The following FAM135A variants were observed in gnomAD, a reference collection of about 807,000 sequenced individuals.
The protein encoded by FAM135A is protein FAM135A.
In FAM135A, 79 loss-of-function variants were observed where a neutral mutation model predicts 146.8. The observed-to-expected ratio is 0.54, with a 90% CI of 0.45 to 0.65. The LOEUF (loss-of-function observed/expected upper bound fraction) is 0.65, where lower values mean the gene tolerates loss of function less well. Among genes scored for constraint, FAM135A ranks in the 30% least tolerant of loss-of-function variants. The pLI is 0.00. For missense variants in FAM135A, 1,623 were observed against 1,758.2 expected (o/e 0.92, Z 1.38); for synonymous variants, 562 against 603.6 (o/e 0.93, Z 1.01).
At chr6:70,527,135 A>G (rs1373722373) in intron 15 of FAM135A, among the ~76,000 whole-genome samples, 1 of 152,014 alleles carries the variant, frequency 6.6e-6, no homozygotes, top group Non-Finnish European at 1.5e-5. Flanking sequence ...GGAAATAAGG[A>G]TAATATTAGT....
At chr6:70,487,083 CAAAAAAAAAAAAA>C (rs34560435) in intron 10 of FAM135A, among the ~76,000 whole-genome samples, 2 of 40,612 alleles carry the variant, frequency 4.9e-5, no homozygotes, top group East Asian at 1.8e-3. Flanking sequence ...ACTCCCATCT[CAAAAAAAAAAAAA>C]AAAAAAAAAA....
chr6:70,464,658 C>CTTTTTTTTTTTT lies in FAM135A; in HGVS notation c.158-10744_158-10743insTTTTTTTTTTTT, dbSNP rs754818109. ...TTTAAATTTCTTTCTTTCTTTCTTT[C>CTTTTTTTTTTTT]TTTTTTTTCTTTTTTTTTTTTTTTT... On this transcript the variant is annotated intron_variant, in intron 5 of 21. Transcript: ENST00000418814. 6.2e-4 allele frequency among the ~76,000 whole-genome samples: 62 copies of CTTTTTTTTTTTT among 100,406 alleles called. 5 individuals are homozygous for CTTTTTTTTTTTT. The highest frequency in any genetic ancestry group is 1.7e-3 in the African/African-American group (46 of 26,674). The allele number at this position is 100,406 out of a possible 152,430, so 65.9% of individuals were successfully genotyped here.
chr6:70,481,594 C>T (rs1467333702), intron 9 of FAM135A, among the ~76,000 whole-genome samples: 3 of 151,212 alleles, frequency 2.0e-5, no homozygotes, highest in Non-Finnish European at 4.4e-5. Flanking sequence ...AATCATGTCA[C>T]TTCACTCCAG....
At chr6:70,433,563 T>TTTTTTTTTTTTTTTTTTTG (rs1772247613) in intron 4 of FAM135A, among the ~76,000 whole-genome samples, 1 of 152,038 alleles carries the variant, frequency 6.6e-6, no homozygotes, top group African/African-American at 2.4e-5. Context: ...AATGAGTCTT[T>TTTTTTTTTTTTTTTTTTTG]AGGTTGGAGC....
At chr6:70,443,358 T>C (rs1774992048) in intron 4 of FAM135A, among the ~76,000 whole-genome samples, 1 of 152,264 alleles carries the variant, frequency 6.6e-6, no homozygotes, top group South Asian at 2.1e-4. Context: ...TTTTTCTATG[T>C]TTAGATACAC....
At chr6:70,477,781 G>A (rs1409375690) in intron 8 of FAM135A, among the ~76,000 whole-genome samples, 1 of 152,046 alleles carries the variant, frequency 6.6e-6, no homozygotes, top group African/African-American at 2.4e-5. Flanking sequence ...TTTTTATAGT[G>A]AAAACGTGTA....
At chr6:70,513,555 T>C (rs369041143) in intron 12 of FAM135A, among the ~76,000 whole-genome samples, 1 of 151,958 alleles carries the variant, frequency 6.6e-6, no homozygotes, top group Non-Finnish European at 1.5e-5. Context: ...TCAATTTCTC[T>C]AAAACCTGCT....
Position 70,524,966 on chromosome 6 carries a change from A to T in FAM135A, c.1882A>T (p.Thr628Ser). 1 of 1,604,222 alleles carries T rather than the reference A, an allele frequency of 6.2e-7. No homozygotes were observed. The highest frequency in any genetic ancestry group is 1.1e-5 in the South Asian group (1 of 88,726). The change falls in exon 15 of 22, where the codon ACA (threonine) becomes TCA (serine). Residue 628 changes from threonine to serine, a missense_variant. Transcript: ENST00000418814. ...LDISQDDSEI[T>S]QMEHNLASRR... is the part of the protein sequence containing the mutation. The stretch of plus-strand genomic sequence containing the variant: ...TATCTCCCAGGACGATAGTGAAATT[A>T]CACAAATGGAACACAATCTGGCATC...
intron 3 of FAM135A, 166 bp downstream of exon 3, chr6:70,426,698 T>G (rs1401437059): frequency 1.3e-5 from 2 of 152,152 alleles, no homozygotes; most frequent in Admixed American, 1.3e-4. Flanking sequence ...GACATGAGAG[T>G]CATGGATCAA....
intron 5 of FAM135A, among the ~76,000 whole-genome samples, chr6:70,465,743 T>C (rs1357097050): frequency 1.3e-5 from 2 of 152,208 alleles, no homozygotes; most frequent in African/African-American, 4.8e-5. Context: ...GCAGCTATAC[T>C]GTTTCACGTT....
At chr6:70,425,079 A>G (rs1349027674) in intron 2 of FAM135A, among the ~76,000 whole-genome samples, 1 of 148,764 alleles carries the variant, frequency 6.7e-6, no homozygotes, top group Non-Finnish European at 1.5e-5. Flanking sequence ...CTATTCATAT[A>G]TATATTCTAT....
chr6:70,477,857 CA>C (rs2128166401), intron 8 of FAM135A, among the ~76,000 whole-genome samples: 1 of 152,144 alleles, frequency 6.6e-6, no homozygotes, highest in South Asian at 2.1e-4. Context: ...GTATGGGAAA[CA>C]TTGGCTTGAT....
At chr6:70,464,334 T>C (rs978121256) in intron 5 of FAM135A, among the ~76,000 whole-genome samples, 4 of 152,160 alleles carry the variant, frequency 2.6e-5, no homozygotes, top group Non-Finnish European at 5.9e-5. Flanking sequence ...AACAAGGAAA[T>C]AGGATATTAA....
At position 70,525,289 on chromosome 6, in the gene FAM135A, T is replaced by C. The variant is rs1268033938; in HGVS notation, c.2205T>C (p.Asn735=). ...AATCATTAACTAAATTACGAAGTAATCTACCTGCCCCTTCTACAAAAGAAT... is the reference window on the plus strand; with the variant it reads ...AATCATTAACTAAATTACGAAGTAACCTACCTGCCCCTTCTACAAAAGAAT... ...IGESLTKLRS[N]LPAPSTKEYH... The change falls in exon 15 of 22, where the codon AAT becomes AAC. Residue 735 remains asparagine, a synonymous_variant. Transcript: ENST00000418814. The C allele has an allele frequency of 3.7e-6, 6 of 1,603,328 alleles. No homozygotes were observed. Among genetic ancestry groups the C allele is most frequent in the Non-Finnish European group, 4.3e-6 (5 of 1,175,754 alleles).
chr6:70,512,377 A>T (rs1409119348), intron 12 of FAM135A, among the ~76,000 whole-genome samples: 1 of 151,996 alleles, frequency 6.6e-6, no homozygotes, highest in East Asian at 1.9e-4. Flanking sequence ...TTGCTTACAT[A>T]CATAGGAGTA....
intron 10 of FAM135A, among the ~76,000 whole-genome samples, chr6:70,484,393 C>G (rs1371829523): frequency 1.3e-5 from 2 of 152,164 alleles, no homozygotes; most frequent in Admixed American, 1.3e-4. Flanking sequence ...AAAAAATCCT[C>G]TCTAAAAGGT....
chr6:70,548,687 C>G (rs1229090671), intron 20 of FAM135A, among the ~76,000 whole-genome samples: 2 of 151,868 alleles, frequency 1.3e-5, no homozygotes, highest in Non-Finnish European at 2.9e-5. Context: ...GCCTTTTATT[C>G]TTACAAATAT....
At chr6:70,420,287 ATCATT>A (rs1768528205) in intron 2 of FAM135A, among the ~76,000 whole-genome samples, 1 of 116,740 alleles carries the variant, frequency 8.6e-6, no homozygotes, top group African/African-American at 2.8e-5. Flanking sequence ...AGAGAATCTG[ATCATT>A]CCCTGTGGTC....
intron 19 of FAM135A, among the ~76,000 whole-genome samples, chr6:70,537,591 T>C (rs569280496): frequency 1.1e-4 from 16 of 152,330 alleles, no homozygotes; most frequent in East Asian, 5.8e-4. Flanking sequence ...TTCCCAGATA[T>C]GTTTCCAGCT....
Sources: allele counts gnomAD v4.1 joint callset (sites outside exome capture counted in the v4.1 genomes callset), GRCh38; gene constraint gnomAD v4.1.1; transcripts MANE v1.5; gene names NCBI Gene and HGNC (gene_info 2026-07-23, HGNC 2026-07-21).